The following SKIL variants were observed in gnomAD, a reference collection of about 807,000 sequenced individuals.
SKIL encodes the protein ski-like protein.
Under a neutral mutation model 69.6 loss-of-function variants are expected in SKIL, and 20 were observed. The ratio of observed to expected loss-of-function variants is 0.29; its 90% confidence interval spans 0.20 to 0.42. The LOEUF is 0.42. Ranked by LOEUF, SKIL falls within the 10% of genes least tolerant of loss-of-function variation. SKIL has a pLI of 1.00. For synonymous variants in SKIL, 310 were observed against 279.9 expected (o/e 1.11, Z -1.08); for missense variants, 745 against 783.1 (o/e 0.95, Z 0.58).
intron 4 of SKIL, 29 bp from the exon 5 acceptor site, chr3:170,390,194 C>T: frequency 6.5e-7 from 1 of 1,535,754 alleles, no homozygotes; most frequent in Non-Finnish European, 9.0e-7. Flanking sequence ...GATATTCATA[C>T]TTTGTTACTT....
At chr3:170,384,037 C>CAA (rs58541525) in intron 3 of SKIL, among the ~76,000 whole-genome samples, 80 of 70,994 alleles carry the variant, frequency 1.1e-3, no homozygotes, top group Middle Eastern at 9.8e-3. Flanking sequence ...AATTACTTGC[C>CAA]AAAAAAAAAA....
Position 170,360,211 on chromosome 3 carries a change from T to A in SKIL, c.-121T>A, listed in dbSNP as rs1379231004. On this transcript the variant is annotated 5_prime_UTR_variant, in exon 2 of 7. Coordinates refer to ENST00000259119, the MANE Select transcript of SKIL (RefSeq NM_005414.5). Reference sequence around the variant, plus strand: ...TTATTAATTTAAGGGGCTCTCGCTTTGAAAGTTTGAGAGTAAGTTACGATA... The same window carrying A: ...TTATTAATTTAAGGGGCTCTCGCTTAGAAAGTTTGAGAGTAAGTTACGATA... 7 of 1,001,202 alleles carry A rather than the reference T, an allele frequency of 7.0e-6. No homozygotes were observed. The highest frequency in any genetic ancestry group is 1.0e-5 in the Non-Finnish European group (7 of 691,486). The allele number at this position is 1,001,202 out of a possible 1,614,324, so 62.0% of individuals were successfully genotyped here.
chr3:170,361,559 T>A (rs895385733), intron 2 of SKIL, 130 bp downstream of exon 2: 3 of 752,462 alleles, frequency 4.0e-6, no homozygotes, highest in Non-Finnish European at 6.5e-6. Flanking sequence ...CCGATTGATA[T>A]ATTTGTATTG....
At position 170,361,210 on chromosome 3, in the gene SKIL, G is replaced by A; in HGVS notation, c.879G>A (p.Glu293=). The change falls in exon 2 of 7, where the codon GAG becomes GAA. Residue 293 remains glutamate (E), a synonymous_variant. Transcript: ENST00000259119. The part of the protein sequence containing the change: ...QPDAPCIQCL[E]CCGMFAPQTF... ...ATGCTCCGTGTATTCAATGTCTGGAGTGTTGTGGAATGTTTGCACCCCAGA... is the reference window on the plus strand; with the variant it reads ...ATGCTCCGTGTATTCAATGTCTGGAATGTTGTGGAATGTTTGCACCCCAGA... The A allele has an allele frequency of 6.2e-7, 1 of 1,614,212 alleles. No individual in the cohort carries two copies. The highest frequency in any genetic ancestry group is 8.5e-7 in the Non-Finnish European group (1 of 1,180,032).
intron 4 of SKIL, 39 bp from the exon 5 acceptor site, chr3:170,390,184 G>T: frequency 6.9e-7 from 1 of 1,447,714 alleles, no homozygotes; most frequent in Non-Finnish European, 9.6e-7. Context: ...TTAATGGAGT[G>T]ATATTCATAC....
intron 3 of SKIL, among the ~76,000 whole-genome samples, chr3:170,383,655 C>T (rs982647348): frequency 6.6e-6 from 1 of 152,102 alleles, no homozygotes; most frequent in East Asian, 1.9e-4. Flanking sequence ...TGAAGTATTT[C>T]AAGAAGATTG....
chr3:170,390,625 T>TA (rs1412251266), intron 5 of SKIL, among the ~76,000 whole-genome samples, 161 bp downstream of exon 5: 2 of 152,172 alleles, frequency 1.3e-5, no homozygotes, highest in Non-Finnish European at 1.5e-5. Flanking sequence ...TAGCTAGCAT[T>TA]ACAGGCACGT....
At chr3:170,358,720 G>A (rs990078148) in intron 1 of SKIL, 1 of 152,222 alleles carries the variant, frequency 6.6e-6, no homozygotes, top group Non-Finnish European at 1.5e-5. Flanking sequence ...CAAGAAGGAA[G>A]TGGAAAAAGA....
intron 2 of SKIL, among the ~76,000 whole-genome samples, chr3:170,378,849 T>TTTTA (rs72498372): frequency 8.1e-4 from 116 of 142,834 alleles, no homozygotes; most frequent in African/African-American, 2.9e-3. Flanking sequence ...TTGGAGCTTC[T>TTTTA]TTTATTTATT....
rs1439080195 is a variant in SKIL at position 170,394,002 on chromosome 3, ATG to A, written c.*1591_*1592del. 6.6e-6 allele frequency: 1 copy of A among 152,046 alleles called. No homozygotes were observed. The highest frequency in any genetic ancestry group is 2.4e-5 in the African/African-American group (1 of 41,400). The allele number at this position is 152,046 out of a possible 1,614,324, so 9.4% of individuals were successfully genotyped here. A position where few individuals can be genotyped will look rare whatever the true frequency, so the allele number is the denominator to read the frequency against. On this transcript the variant is annotated 3_prime_UTR_variant, in exon 7 of 7. Transcript: ENST00000259119. ...ATTTACTAAATTGAGTATAACCTAAATGTGTGTTTTCTATTTTCCATTTAAAT... is the reference window on the plus strand; with the variant it reads ...ATTTACTAAATTGAGTATAACCTAAATGTGTTTTCTATTTTCCATTTAAAT...
intron 4 of SKIL, among the ~76,000 whole-genome samples, chr3:170,388,860 GTATTTATT>G (rs71634466): frequency 2.7e-5 from 3 of 112,004 alleles, no homozygotes; most frequent in Non-Finnish European, 5.6e-5. Flanking sequence ...ATTTATTTAT[GTATTTATT>G]TATTTATTTA....
intron 2 of SKIL, among the ~76,000 whole-genome samples, 154 bp downstream of exon 2, chr3:170,361,583 A>C (rs1433175664): frequency 6.6e-6 from 1 of 152,206 alleles, no homozygotes; most frequent in African/African-American, 2.4e-5. Context: ...TTTTTAGGCC[A>C]TAAAGTGCTT....
intron 4 of SKIL, 86 bp downstream of exon 4, chr3:170,384,851 C>A (rs770962705): frequency 2.8e-6 from 2 of 711,506 alleles, no homozygotes; most frequent in Non-Finnish European, 4.6e-6. Flanking sequence ...TTTGTTTGAG[C>A]TAAATTTTCA....
At position 170,393,922 on chromosome 3, in the gene SKIL, T is replaced by C. The variant is rs1326995642; in HGVS notation, c.*1505T>C. 1.3e-5 allele frequency: 2 copies of C among 152,078 alleles called. No individual in the cohort carries two copies. Among genetic ancestry groups the C allele is most frequent in the African/African-American group, 4.8e-5 (2 of 41,428 alleles). The allele number at this position is 152,078 out of a possible 1,614,324, so 9.4% of individuals were successfully genotyped here. On this transcript the variant is annotated 3_prime_UTR_variant, in exon 7 of 7. Coordinates refer to ENST00000259119, the MANE Select transcript of SKIL (RefSeq NM_005414.5). ...TGTCATTTAACCAGTTATTTTCATA[T>C]TTTGCTTAATAGTACATATCCAAAA... is the stretch of plus-strand genomic sequence containing the variant.
rs1462215340 is a variant in SKIL at position 170,360,672 on chromosome 3, A to C, written c.341A>C (p.Glu114Ala). ...GCATTTTCTGCTCGGCATTCCCAAG[A>C]AAGCATGTCGCCTACTGTATTTCTG... ...PAAFSARHSQ[E>A]SMSPTVFLPL... Residue 114 changes from glutamate to alanine, a missense_variant, in exon 2 of 7, where the codon GAA becomes GCA. Physicochemically the swap from Glu to Ala is moderately radical, Grantham distance 107. Coordinates refer to ENST00000259119, the MANE Select transcript of SKIL (RefSeq NM_005414.5). 6.2e-7 allele frequency: 1 copy of C among 1,614,216 alleles called. No homozygotes were observed. Among genetic ancestry groups the C allele is most frequent in the Non-Finnish European group, 8.5e-7 (1 of 1,180,044 alleles).
rs1025052953 is a variant in SKIL, at chr3:170,392,878, A to C, written c.*461A>C. The C allele has an allele frequency of 6.6e-6, 1 of 152,522 alleles. No individual in the cohort carries two copies. The highest frequency in any genetic ancestry group is 2.4e-5 in the African/African-American group (1 of 41,448). 9.4% of individuals were successfully genotyped at this position (152,522 alleles called of 1,614,324 possible). A position where few individuals can be genotyped will look rare whatever the true frequency, so the allele number is the denominator to read the frequency against. On this transcript the variant is annotated 3_prime_UTR_variant, in exon 7 of 7. Transcript: ENST00000259119. ...TTTTCTCATTAACACAATTTTTCTAAGTTGATATGGTGTACTCATTAACAT... is the reference window on the plus strand; with the variant it reads ...TTTTCTCATTAACACAATTTTTCTACGTTGATATGGTGTACTCATTAACAT...
At position 170,361,445 on chromosome 3, in the gene SKIL, C is replaced by A; in HGVS notation, c.1098+16C>A. ...TCAATCCAAGGCAAGTTTTTTATAT[C>A]AATTTTTAATAATGGTAATGGTTTA... is the stretch of plus-strand genomic sequence containing the variant. On this transcript the variant is annotated intron_variant, in intron 2 of 6. Transcript: ENST00000259119. 2 of 1,517,904 alleles carry A rather than the reference C, an allele frequency of 1.3e-6. No homozygotes were observed. The highest frequency in any genetic ancestry group is 2.2e-5 in the Admixed American group (1 of 45,510). The allele number at this position is 1,517,904 out of a possible 1,614,324, so 94.0% of individuals were successfully genotyped here. A position where few individuals can be genotyped will look rare whatever the true frequency, so the allele number is the denominator to read the frequency against.
At chr3:170,365,425 A>T (rs1359444214) in intron 2 of SKIL, among the ~76,000 whole-genome samples, 1 of 152,180 alleles carries the variant, frequency 6.6e-6, no homozygotes, top group Non-Finnish European at 1.5e-5. Flanking sequence ...CACTCACAGG[A>T]AATGCTCATT....
At chr3:170,367,284 A>G (rs942700976) in intron 2 of SKIL, among the ~76,000 whole-genome samples, 4 of 150,846 alleles carry the variant, frequency 2.7e-5, no homozygotes, top group South Asian at 2.1e-4. Context: ...AATTTTTTCT[A>G]TTTTTTTAGT....
Sources: gnomAD v4.1 joint callset for allele counts (sites outside exome capture counted in the v4.1 genomes callset) on GRCh38, gnomAD v4.1.1 for gene constraint, MANE v1.5 for transcripts, NCBI Gene and HGNC (gene_info 2026-07-23, HGNC 2026-07-21) for gene names.